Variants in LRRTM4 observed in about 807,000 individuals in gnomAD.
LRRTM4 encodes leucine-rich repeat transmembrane neuronal protein 4.
Under a neutral mutation model 47.6 loss-of-function variants are expected in LRRTM4, and 25 were observed. The observed-to-expected ratio is 0.53, with a 90% CI of 0.38 to 0.73. The LOEUF (loss-of-function observed/expected upper bound fraction) is 0.73, where lower values mean the gene tolerates loss of function less well. Among genes scored for constraint, LRRTM4 ranks in the 30% least tolerant of loss-of-function variants. LRRTM4 has a pLI of 0.00. For missense variants in LRRTM4, 638 were observed against 713.4 expected (o/e 0.89, Z 1.20); for synonymous variants, 311 against 269.5 (o/e 1.15, Z -1.51).
intron 3 of LRRTM4, among the ~76,000 whole-genome samples, chr2:77,246,799 C>A (rs1675458494): frequency 6.6e-6 from 1 of 151,582 alleles, no homozygotes; most frequent in South Asian, 2.1e-4. Flanking sequence ...TGCATATATG[C>A]CTATATACAT....
chr2:77,016,109 C>T (rs573457782), intron 3 of LRRTM4, among the ~76,000 whole-genome samples: 6 of 151,716 alleles, frequency 4.0e-5, no homozygotes, highest in East Asian at 3.9e-4. Flanking sequence ...AACAAAAATC[C>T]GGGAGCAGTG....
At chr2:77,278,624 C>G (rs1676429289) in intron 3 of LRRTM4, among the ~76,000 whole-genome samples, 1 of 151,888 alleles carries the variant, frequency 6.6e-6, no homozygotes, top group Non-Finnish European at 1.5e-5. Context: ...ATGTGACTTT[C>G]AAGGCATGGT....
chr2:77,515,980 A>G (rs1315585696), intron 3 of LRRTM4, among the ~76,000 whole-genome samples: 1 of 151,824 alleles, frequency 6.6e-6, no homozygotes, highest in Non-Finnish European at 1.5e-5. Context: ...TTGTTTTTGT[A>G]TGCTTTCGTT....
Position 77,457,004 on chromosome 2 carries a change from GTATATATATATATA to G in LRRTM4, c.1551+61300_1551+61313del, listed in dbSNP as rs1171771344. 4.2e-3 allele frequency among the ~76,000 whole-genome samples: 98 copies of G among 23,162 alleles called. 2 individuals carry two copies. Among genetic ancestry groups the G allele is most frequent in the East Asian group, 0.037 (33 of 886 alleles). The allele number at this position is 23,162 out of a possible 152,430, so 15.2% of individuals were successfully genotyped here. A position where few individuals can be genotyped will look rare whatever the true frequency, so the allele number is the denominator to read the frequency against. On this transcript the variant is annotated intron_variant, in intron 3 of 3. Transcript: ENST00000409884. ...TATATATTAGTGTATGTGTGTGTGTGTATATATATATATATATATATATATATATATATATATAT... is the reference window on the plus strand; with the variant it reads ...TATATATTAGTGTATGTGTGTGTGTGTATATATATATATATATATATATAT...
chr2:77,371,562 C>A (rs1345432239), intron 3 of LRRTM4, among the ~76,000 whole-genome samples: 3 of 151,720 alleles, frequency 2.0e-5, no homozygotes, highest in Non-Finnish European at 4.4e-5. Flanking sequence ...ACTTTTACTG[C>A]CACAACCATC....
At chr2:77,515,895 C>T (rs1679189451) in intron 3 of LRRTM4, among the ~76,000 whole-genome samples, 1 of 151,908 alleles carries the variant, frequency 6.6e-6, no homozygotes, top group Admixed American at 6.6e-5. Context: ...GTTTGCTTTT[C>T]CTCACCATTT....
intron 3 of LRRTM4, among the ~76,000 whole-genome samples, chr2:77,145,712 TG>T (rs1314420766): frequency 1.3e-5 from 2 of 151,702 alleles, no homozygotes; most frequent in African/African-American, 4.8e-5. Context: ...AGGCGGAGCT[TG>T]CAGTGAGCAG....
At chr2:77,363,369 G>A (rs1053391600) in intron 3 of LRRTM4, among the ~76,000 whole-genome samples, 1 of 152,104 alleles carries the variant, frequency 6.6e-6, no homozygotes. Flanking sequence ...GAAAGCAGAA[G>A]GAAAAGAAAA....
chr2:77,268,000 C>A (rs1434538327), intron 3 of LRRTM4, among the ~76,000 whole-genome samples: 2 of 152,106 alleles, frequency 1.3e-5, no homozygotes, highest in Admixed American at 1.3e-4. Context: ...TTTAACAGCT[C>A]ATTTTCTTCA....
chr2:77,142,376 C>T (rs558288497), intron 3 of LRRTM4, among the ~76,000 whole-genome samples: 3 of 151,500 alleles, frequency 2.0e-5, no homozygotes, highest in South Asian at 2.1e-4. Flanking sequence ...TAGACTAGAT[C>T]GAAAACCTAA....
chr2:76,912,354 T>A (rs1558734119), intron 3 of LRRTM4, among the ~76,000 whole-genome samples: 1 of 152,216 alleles, frequency 6.6e-6, no homozygotes, highest in Admixed American at 6.5e-5. Context: ...TAATATTCCA[T>A]TTTAGGATAT....
chr2:77,279,528 T>C lies in LRRTM4; in HGVS notation c.1551+238790A>G, dbSNP rs1036013396. Among the ~76,000 whole-genome samples, 3 of 152,002 alleles carry C rather than the reference T, an allele frequency of 2.0e-5. No individual in the cohort carries two copies. The Admixed American group carries it at 2.0e-4, about 10-fold the overall frequency. ...ATTTGTTGTTTAGCCATTATAAAAC[T>C]ATGGGATAACATGCTTTCTTATTCT... On this transcript the variant is annotated intron_variant, in intron 3 of 3. Coordinates refer to ENST00000409884, the MANE Select transcript of LRRTM4 (RefSeq NM_001134745.3).
At chr2:77,224,097 C>T (rs920111847) in intron 3 of LRRTM4, among the ~76,000 whole-genome samples, 18 of 151,370 alleles carry the variant, frequency 1.2e-4, no homozygotes, top group South Asian at 2.1e-4. Context: ...CTGAGAAAAA[C>T]AAGCAATGGG....
chr2:76,886,992 G>T (rs1336513587), intron 3 of LRRTM4, among the ~76,000 whole-genome samples: 1 of 151,820 alleles, frequency 6.6e-6, no homozygotes, highest in Non-Finnish European at 1.5e-5. Flanking sequence ...GTTTAAATGT[G>T]TAGCCCACAA....
chr2:76,824,626 G>A (rs1573172153), intron 3 of LRRTM4, among the ~76,000 whole-genome samples: 1 of 148,062 alleles, frequency 6.8e-6, no homozygotes, highest in Non-Finnish European at 1.5e-5. Flanking sequence ...TATATTTTAT[G>A]TATGTATTAT....
intron 3 of LRRTM4, among the ~76,000 whole-genome samples, chr2:77,120,701 T>G (rs1671501031): frequency 6.6e-6 from 1 of 151,852 alleles, no homozygotes; most frequent in South Asian, 2.1e-4. Flanking sequence ...GTGCTGAAAA[T>G]ACATATATTT....
chr2:77,364,129 C>CAA (rs759185066), intron 3 of LRRTM4, among the ~76,000 whole-genome samples: 9,468 of 108,238 alleles, frequency 0.087, 571 homozygotes, highest in East Asian at 0.32. Flanking sequence ...TGGATGACTA[C>CAA]AAAAAAAAAA....
intron 3 of LRRTM4, among the ~76,000 whole-genome samples, chr2:77,289,743 TA>T (rs1237013337): frequency 1.3e-5 from 2 of 152,098 alleles, no homozygotes; most frequent in Non-Finnish European, 2.9e-5. Context: ...TTTGCCAATT[TA>T]ATTGTTTGAA....
chr2:76,898,012 G>A (rs115660285), intron 3 of LRRTM4, among the ~76,000 whole-genome samples: 1 of 152,242 alleles, frequency 6.6e-6, no homozygotes, highest in East Asian at 1.9e-4. Context: ...AGTCCTAACA[G>A]GATGGCCCAG....
Sources: allele counts gnomAD v4.1 joint callset (sites outside exome capture counted in the v4.1 genomes callset), GRCh38; gene constraint gnomAD v4.1.1; transcripts MANE v1.5; gene names NCBI Gene and HGNC (gene_info 2026-07-23, HGNC 2026-07-21).